The following CHST15 variants were observed in gnomAD, a reference collection of about 807,000 sequenced individuals.
The protein encoded by CHST15 is B cell RAG associated protein (GALNAC4S-6ST).
In CHST15, 30 loss-of-function variants were observed where a neutral mutation model predicts 53.6. That is an observed-to-expected ratio of 0.56 (90% CI 0.42 to 0.76). The LOEUF is 0.76. Ranked by LOEUF, CHST15 falls within the 30% of genes least tolerant of loss-of-function variation. The pLI is 0.00. For synonymous variants in CHST15, 296 were observed against 289.8 expected, an observed-to-expected ratio of 1.02 and a Z score of -0.22; for missense variants, 627 against 740.5, an observed-to-expected ratio of 0.85 and a Z score of 1.78.
At chr10:124,035,675 CAT>C (rs1947469879) in intron 5 of CHST15, among the ~76,000 whole-genome samples, 1 of 152,238 alleles carries the variant, frequency 6.6e-6, no homozygotes, top group African/African-American at 2.4e-5. Flanking sequence ...AACAGGAGAA[CAT>C]GTGGTGTTTT....
rs530254808 is a variant in CHST15, at chr10:124,008,358, C to A, written c.*1791G>T. 1 of 1,040,170 alleles carries A rather than the reference C, an allele frequency of 9.6e-7. No homozygotes were observed. 64.4% of individuals were successfully genotyped at this position (1,040,170 alleles called of 1,614,324 possible). On this transcript the variant is annotated 3_prime_UTR_variant, in exon 8 of 8. Coordinates refer to ENST00000435907, the MANE Select transcript of CHST15 (RefSeq NM_001270764.2). ...ACACGTGCGCGTACACACACACACACGCGCGCACTGTACTGCAAATAAATA... is the reference window on the plus strand; with the variant it reads ...ACACGTGCGCGTACACACACACACAAGCGCGCACTGTACTGCAAATAAATA...
chr10:124,035,191 A>ACCCCTAACGGGGACCCTGGCTCTAC (rs1947427772), intron 5 of CHST15, among the ~76,000 whole-genome samples: 1 of 72,894 alleles, frequency 1.4e-5, no homozygotes, highest in Non-Finnish European at 2.7e-5. Context: ...CCCTGGTTCC[A>ACCCCTAACGGGGACCCTGGCTCTAC]CCCCTAACGG....
chr10:124,009,940 CG>C lies in CHST15; in HGVS notation c.*208del. The C allele has an allele frequency of 1.4e-6, 2 of 1,405,104 alleles. No homozygotes were observed. The highest frequency in any genetic ancestry group is 1.8e-6 in the Non-Finnish European group (2 of 1,082,330). 87.0% of individuals were successfully genotyped at this position (1,405,104 alleles called of 1,614,324 possible). A position where few individuals can be genotyped will look rare whatever the true frequency, so the allele number is the denominator to read the frequency against. ...GAGAAACTGGGGTCTCCAATGGCCT[CG>C]GATAGAGGAGCTCTGTGAGGGGTCC... On this transcript the variant is annotated 3_prime_UTR_variant, in exon 8 of 8. Coordinates refer to ENST00000435907, the MANE Select transcript of CHST15 (RefSeq NM_001270764.2).
chr10:124,020,968 G>T, intron 6 of CHST15: 1 of 1,399,532 alleles, frequency 7.1e-7, no homozygotes, highest in Non-Finnish European at 9.2e-7. Context: ...TAATTGCTGG[G>T]TGTCTTGCTA....
intron 7 of CHST15, chr10:124,011,939 TC>T: frequency 1.2e-6 from 1 of 812,594 alleles, no homozygotes; most frequent in Non-Finnish European, 1.5e-6. Flanking sequence ...GCCCTTTCCT[TC>T]CATGAAGCCT....
At chr10:124,085,752 CAGA>C (rs1348122307) in intron 1 of CHST15, among the ~76,000 whole-genome samples, 5 of 152,134 alleles carry the variant, frequency 3.3e-5, no homozygotes, top group Non-Finnish European at 7.4e-5. Context: ...AGGAAAACTG[CAGA>C]AGCTCAGAGG....
At chr10:124,087,028 G>A (rs1564919887) in intron 1 of CHST15, among the ~76,000 whole-genome samples, 3 of 152,306 alleles carry the variant, frequency 2.0e-5, no homozygotes, top group Admixed American at 6.5e-5. Context: ...GACAAGAAAC[G>A]TGAAGGTACA....
rs911136771 is a variant in CHST15, at chr10:124,036,508, C to CAGGT, written c.1190+2003_1190+2006dup. On this transcript the variant is annotated intron_variant, in intron 5 of 7. Transcript: ENST00000435907. This position sits in a 1 kb window ranked among gnomAD's most constrained non-coding sequence, Gnocchi z 5.1. ...AGGGCAGATCCAGCCTCTCCCTGAC[C>CAGGT]AGGTCATACTCAGAGCAGCGGGAGC... is the stretch of plus-strand genomic sequence containing the variant. Among the ~76,000 whole-genome samples, 2 of 152,036 alleles carry CAGGT rather than the reference C, an allele frequency of 1.3e-5. No individual in the cohort carries two copies. The highest frequency in any genetic ancestry group is 4.8e-5 in the African/African-American group (2 of 41,394).
intron 1 of CHST15, among the ~76,000 whole-genome samples, chr10:124,076,268 C>A (rs959739737): frequency 6.6e-6 from 1 of 152,222 alleles, no homozygotes; most frequent in African/African-American, 2.4e-5. Flanking sequence ...CTTCTCAAAG[C>A]TGAGCTGTCA....
At chr10:124,022,545 A>C (rs1319989432) in intron 5 of CHST15, among the ~76,000 whole-genome samples, 2 of 152,158 alleles carry the variant, frequency 1.3e-5, no homozygotes, top group East Asian at 3.9e-4. Context: ...CACCAGTGAG[A>C]TCTCTAAACT....
At chr10:124,039,140 C>T (rs546044250) in intron 4 of CHST15, among the ~76,000 whole-genome samples, 8 of 152,204 alleles carry the variant, frequency 5.3e-5, no homozygotes, top group Non-Finnish European at 7.4e-5. Context: ...AAATGGTTTT[C>T]CTGTATAGTA....
chr10:124,017,582 C>T (rs1170906419), intron 6 of CHST15, among the ~76,000 whole-genome samples: 4 of 152,192 alleles, frequency 2.6e-5, no homozygotes, highest in African/African-American at 9.7e-5. Context: ...CGTCCTGCAC[C>T]TTCTCTCTTG....
chr10:124,021,919 G>A (rs974194592), intron 5 of CHST15, among the ~76,000 whole-genome samples: 4 of 152,106 alleles, frequency 2.6e-5, no homozygotes, highest in Non-Finnish European at 5.9e-5. Context: ...ATGATGAGAT[G>A]TATCTTTCTA....
chr10:124,063,712 A>G (rs1948664079), intron 1 of CHST15, among the ~76,000 whole-genome samples: 1 of 152,226 alleles, frequency 6.6e-6, no homozygotes, highest in African/African-American at 2.4e-5. Context: ...AAATATTATA[A>G]CAAAGGCATG....
rs771231680 is a variant in CHST15, at chr10:124,036,630, C to T, written c.1190+1885G>A. 3.3e-5 allele frequency among the ~76,000 whole-genome samples: 5 copies of T among 151,966 alleles called. No homozygotes were observed. Among genetic ancestry groups the T allele is most frequent in the Non-Finnish European group, 5.9e-5 (4 of 67,990 alleles). ...GGGCAACAATGCAAAGTGAAAGAAG[C>T]AGGACATAAGACTGTCCTGTCACAC... On this transcript the variant is annotated intron_variant, in intron 5 of 7. Transcript: ENST00000435907. The surrounding 1 kb of genome is among the most constrained non-coding windows in gnomAD (Gnocchi z 5.1).
chr10:124,046,117 C>T lies in CHST15; in HGVS notation c.96G>A (p.Gln32=). ...NCQGGPHHGH[Q]ACPTCKGENK... ...TTTCTCCTTTGCACGTGGGGCACGCCTGGTGACCGTGATGGGGGCCCCCTT... is the reference window on the plus strand; with the variant it reads ...TTTCTCCTTTGCACGTGGGGCACGCTTGGTGACCGTGATGGGGGCCCCCTT... The change falls in exon 2 of 8, where the codon CAG becomes CAA. Residue 32 remains glutamine, a synonymous_variant. Coordinates refer to ENST00000435907, the MANE Select transcript of CHST15 (RefSeq NM_001270764.2). 6.2e-7 allele frequency: 1 copy of T among 1,614,242 alleles called. No homozygotes were observed.
intron 6 of CHST15, chr10:124,020,021 G>T: frequency 1.0e-6 from 1 of 985,696 alleles, no homozygotes; most frequent in Non-Finnish European, 1.2e-6. Context: ...GTTCTCAGGT[G>T]GTTCTCTGGT....
At chr10:124,053,210 G>T (rs1372956666) in intron 1 of CHST15, among the ~76,000 whole-genome samples, 3 of 152,168 alleles carry the variant, frequency 2.0e-5, no homozygotes, top group Non-Finnish European at 4.4e-5. Context: ...ACTTTGGAGG[G>T]CCTTCAGCTA....
intron 6 of CHST15, 145 bp from the exon 7 acceptor site, chr10:124,012,625 G>A: frequency 7.6e-6 from 7 of 916,426 alleles, no homozygotes; most frequent in South Asian, 1.8e-5. Context: ...TTAACACAAG[G>A]TGTTCTTGCT....
Sources: gnomAD v4.1 joint callset for allele counts (sites outside exome capture counted in the v4.1 genomes callset) on GRCh38, gnomAD v4.1.1 for gene constraint, Gnocchi (gnomAD v3.1) non-coding constraint, MANE v1.5 for transcripts, NCBI Gene and HGNC (gene_info 2026-07-23, HGNC 2026-07-21) for gene names.